Variants in CCDC169 observed in about 807,000 individuals in gnomAD.
CCDC169 encodes the protein coiled-coil domain-containing protein 169.
CCDC169 carries 30 observed loss-of-function variants against 36.0 expected under a neutral mutation model. The observed-to-expected ratio is 0.83, with a 90% CI of 0.62 to 1.13. The LOEUF (loss-of-function observed/expected upper bound fraction) is 1.13, where lower values mean the gene tolerates loss of function less well. CCDC169 is among the 50% of genes most tolerant of loss of function. The pLI is 0.00. For missense variants in CCDC169, 245 were observed against 245.9 expected, an observed-to-expected ratio of 1.00 and a Z score of 0.03; for synonymous variants, 85 against 81.5, an observed-to-expected ratio of 1.04 and a Z score of -0.23.
chr13:36,239,880 T>C (rs969168726), intron 7 of CCDC169, among the ~76,000 whole-genome samples: 2 of 152,300 alleles, frequency 1.3e-5, no homozygotes, highest in South Asian at 2.1e-4. Flanking sequence ...TAGGTGATTA[T>C]GGTACAATAA....
chr13:36,260,098 G>T (rs575048863), intron 4 of CCDC169, among the ~76,000 whole-genome samples: 1 of 152,328 alleles, frequency 6.6e-6, no homozygotes, highest in African/African-American at 2.4e-5. Context: ...AGTTGAAATG[G>T]CTAATATATT....
intron 4 of CCDC169, chr13:36,280,607 C>T (rs1410772231): frequency 6.6e-6 from 1 of 152,178 alleles, no homozygotes; most frequent in Non-Finnish European, 1.5e-5. Flanking sequence ...TAAAAACTAG[C>T]TGTAATCCTT....
intron 4 of CCDC169, chr13:36,281,307 T>C (rs901354011): frequency 1.1e-5 from 5 of 442,822 alleles, no homozygotes; most frequent in Non-Finnish European, 1.8e-5. Flanking sequence ...AAACTTTACT[T>C]GTTTAAACCT....
At chr13:36,223,436 T>C (rs1403705379), downstream of CCDC169, 1 of 152,158 alleles carries the variant, frequency 6.6e-6, no homozygotes, top group Non-Finnish European at 1.5e-5. Context: ...AGTTGGCAAA[T>C]TGCTTTAATA....
intron 7 of CCDC169, among the ~76,000 whole-genome samples, chr13:36,242,670 T>G (rs1566062700): frequency 6.6e-6 from 1 of 152,132 alleles, no homozygotes; most frequent in Admixed American, 6.6e-5. Context: ...CACCAATTTA[T>G]GCCAGGCACT....
chr13:36,235,791 T>C (rs916920507), intron 7 of CCDC169, among the ~76,000 whole-genome samples: 2 of 151,886 alleles, frequency 1.3e-5, no homozygotes, highest in East Asian at 3.8e-4. Context: ...TGAGATCTAA[T>C]AAGTTCCTCA....
At chr13:36,240,913 ACTT>A (rs1300072656) in intron 7 of CCDC169, among the ~76,000 whole-genome samples, 1 of 152,056 alleles carries the variant, frequency 6.6e-6, no homozygotes, top group Non-Finnish European at 1.5e-5. Context: ...TCTTAAAGAG[ACTT>A]TTGTCCAATT....
intron 4 of CCDC169, among the ~76,000 whole-genome samples, chr13:36,271,116 A>G (rs1377023320): frequency 6.6e-6 from 1 of 152,166 alleles, no homozygotes; most frequent in African/African-American, 2.4e-5. Context: ...ATGAATAGAT[A>G]TTTCTCAAAT....
intron 7 of CCDC169, chr13:36,240,651 T>C (rs773152862): frequency 7.8e-7 from 1 of 1,282,732 alleles, no homozygotes; most frequent in Non-Finnish European, 1.0e-6. Flanking sequence ...CTTTAGGGCT[T>C]TTAGTCACTT....
downstream of CCDC169, among the ~76,000 whole-genome samples, chr13:36,229,159 C>G (rs1189109396): frequency 6.6e-6 from 1 of 152,090 alleles, no homozygotes; most frequent in Non-Finnish European, 1.5e-5. Context: ...TTGATCTGCA[C>G]AGCAATCTCA....
chr13:36,265,665 T>G (rs963187665), intron 4 of CCDC169, among the ~76,000 whole-genome samples: 3 of 152,344 alleles, frequency 2.0e-5, no homozygotes. Flanking sequence ...TGTTTTTGAT[T>G]TACAATTTTG....
Position 36,297,693 on chromosome 13 carries a change from G to A in CCDC169, c.27C>T (p.Phe9=). 1.3e-6 allele frequency: 2 copies of A among 1,551,332 alleles called. No individual in the cohort carries two copies. The highest frequency in any genetic ancestry group is 1.2e-5 in the South Asian group (1 of 84,068). The change falls in exon 1 of 8, where the codon TTC becomes TTT. Residue 9 remains phenylalanine, a synonymous_variant. Coordinates refer to ENST00000239859, the MANE Select transcript of CCDC169 (RefSeq NM_001144981.3). MKEERNYN[F]DGVSTNRLKQ... ...TCAGGCGGTTGGTGCTCACACCGTC[G>A]AAGTTGTAGTTTCTCTCTTCCTTCA...
At chr13:36,241,682 T>G (rs1033729316) in intron 7 of CCDC169, among the ~76,000 whole-genome samples, 18 of 152,230 alleles carry the variant, frequency 1.2e-4, no homozygotes, top group Non-Finnish European at 2.2e-4. Flanking sequence ...AAAGCTGCTA[T>G]GAACATTCTT....
At chr13:36,277,155 C>A (rs1252636773) in intron 4 of CCDC169, among the ~76,000 whole-genome samples, 3 of 152,068 alleles carry the variant, frequency 2.0e-5, no homozygotes, top group Non-Finnish European at 1.5e-5. Context: ...GAGATCATAT[C>A]CTTTGCAGGG....
At chr13:36,222,523 T>G (rs1021042775), downstream of CCDC169, 1 of 152,138 alleles carries the variant, frequency 6.6e-6, no homozygotes, top group African/African-American at 2.4e-5. Flanking sequence ...CAGTGTTGAG[T>G]GTCCCAGCTG....
chr13:36,269,219 C>A (rs1296887544), intron 4 of CCDC169, among the ~76,000 whole-genome samples: 1 of 152,010 alleles, frequency 6.6e-6, no homozygotes, highest in Non-Finnish European at 1.5e-5. Context: ...TAGGTTAAAT[C>A]AGGAAGAAAT....
intron 6 of CCDC169, among the ~76,000 whole-genome samples, chr13:36,251,322 T>C (rs997961065): frequency 6.6e-6 from 1 of 152,208 alleles, no homozygotes; most frequent in African/African-American, 2.4e-5. Flanking sequence ...AGTATCCACA[T>C]GGTTAGAACT....
intron 2 of CCDC169, 131 bp downstream of exon 2, chr13:36,295,647 A>T: frequency 2.1e-6 from 1 of 483,330 alleles, no homozygotes; most frequent in Non-Finnish European, 3.6e-6. Flanking sequence ...ACTATCATTA[A>T]TGTGGCCAAA....
chr13:36,241,808 T>G (rs9546844), intron 7 of CCDC169, among the ~76,000 whole-genome samples: 3 of 151,958 alleles, frequency 2.0e-5, no homozygotes, highest in African/African-American at 7.3e-5. Context: ...ATGTATTTGA[T>G]ATGGTTTGGC....
Sources: gnomAD v4.1 joint callset for allele counts (sites outside exome capture counted in the v4.1 genomes callset) on GRCh38, gnomAD v4.1.1 for gene constraint, MANE v1.5 for transcripts, NCBI Gene and HGNC (gene_info 2026-07-23, HGNC 2026-07-21) for gene names.